GABRR2: variants seen among roughly 807,000 people sequenced by gnomAD.
The protein encoded by GABRR2 is gamma-aminobutyric acid type A receptor subunit rho2, also known as gamma-aminobutyric acid receptor subunit rho-2.
In GABRR2, 36 loss-of-function variants were observed where a neutral mutation model predicts 47.0. The ratio of observed to expected loss-of-function variants is 0.77; its 90% CI spans 0.59 to 1.01. GABRR2 has a LOEUF of 1.01. Among genes scored for constraint, GABRR2 ranks in the 50% least tolerant of loss-of-function variants. The probability of loss-of-function intolerance (pLI) is 0.00; values close to 1 mark genes in which losing one functional copy is unlikely to be tolerated. For synonymous variants in GABRR2, 204 were observed against 227.5 expected (o/e 0.90, Z 0.93); for missense variants, 587 against 594.6 (o/e 0.99, Z 0.13).
intron 1 of GABRR2, among the ~76,000 whole-genome samples, chr6:89,310,747 G>C (rs1767666650): frequency 6.6e-6 from 1 of 151,862 alleles, no homozygotes; most frequent in Admixed American, 6.6e-5. Flanking sequence ...GGGAGGGGGT[G>C]GGGGGTGTGG....
rs1773570995 is a variant in GABRR2, at chr6:89,254,892, T to G, written c.*2778A>C. Among the ~76,000 whole-genome samples the G allele has an allele frequency of 6.6e-6, 1 of 152,162 alleles. No homozygotes were observed. Among genetic ancestry groups the G allele is most frequent in the Admixed American group, 6.5e-5 (1 of 15,270 alleles). ...ATGGCCCTGCATGATAAAACACTGT[T>G]TATGATTCTAAATATGTCTGCTATA... On this transcript the variant is annotated 3_prime_UTR_variant, in exon 9 of 9. Coordinates refer to ENST00000402938, the MANE Select transcript of GABRR2 (RefSeq NM_002043.5).
chr6:89,302,529 G>A (rs1767473777), intron 1 of GABRR2: 1 of 839,688 alleles, frequency 1.2e-6, no homozygotes, highest in Non-Finnish European at 1.9e-6. Flanking sequence ...ACCTGCACAA[G>A]CTGGTGGTGA....
intron 2 of GABRR2, among the ~76,000 whole-genome samples, chr6:89,280,247 T>TATATATATATATATATATATATATAC (rs1271132149): frequency 3.9e-5 from 4 of 101,314 alleles, no homozygotes; most frequent in Non-Finnish European, 6.2e-5. Flanking sequence ...TATATATATA[T>TATATATATATATATATATATATATAC]ATATATACAT....
At chr6:89,302,375 G>T in intron 1 of GABRR2, 1 of 567,542 alleles carries the variant, frequency 1.8e-6, no homozygotes, top group Non-Finnish European at 3.5e-6. Flanking sequence ...GAGACCTACT[G>T]CATCAACAAG....
chr6:89,284,701 T>G (rs931031049), intron 2 of GABRR2, among the ~76,000 whole-genome samples: 1 of 152,248 alleles, frequency 6.6e-6, no homozygotes, highest in Non-Finnish European at 1.5e-5. Flanking sequence ...ATGGCCCTGC[T>G]GACGCCTTGC....
At chr6:89,297,134 T>C (rs1188666978) in intron 2 of GABRR2, among the ~76,000 whole-genome samples, 2 of 152,220 alleles carry the variant, frequency 1.3e-5, no homozygotes, top group Admixed American at 1.3e-4. Context: ...GCACTTTTGC[T>C]TCATGGGCCT....
intron 1 of GABRR2, among the ~76,000 whole-genome samples, chr6:89,314,530 C>A (rs1350986265): frequency 6.6e-6 from 1 of 152,194 alleles, no homozygotes; most frequent in African/African-American, 2.4e-5. Flanking sequence ...AAGCAAATTT[C>A]TGAACACCTC....
chr6:89,264,177 C>G (rs113438383), intron 8 of GABRR2, among the ~76,000 whole-genome samples: 1 of 152,188 alleles, frequency 6.6e-6, no homozygotes, highest in African/African-American at 2.4e-5. Flanking sequence ...GCATAGGTGT[C>G]AAAGTTGAGT....
intron 1 of GABRR2, among the ~76,000 whole-genome samples, chr6:89,311,449 G>A (rs1248395469): frequency 2.0e-5 from 3 of 152,110 alleles, no homozygotes; most frequent in African/African-American, 7.2e-5. Context: ...CTATTTGTAT[G>A]AGCCATATGC....
chr6:89,266,088 G>A (rs960042126), intron 6 of GABRR2, among the ~76,000 whole-genome samples: 4 of 152,098 alleles, frequency 2.6e-5, no homozygotes, highest in Admixed American at 2.0e-4. Context: ...TTTGAGACAG[G>A]GTCTTGCTCT....
chr6:89,293,882 A>G (rs1386653324), intron 2 of GABRR2, among the ~76,000 whole-genome samples: 1 of 152,248 alleles, frequency 6.6e-6, no homozygotes, highest in Non-Finnish European at 1.5e-5. Flanking sequence ...TAACCAGGGC[A>G]TACTACCTAA....
At position 89,254,854 on chromosome 6, in the gene GABRR2, G is replaced by T. The variant is rs1277139570; in HGVS notation, c.*2816C>A. ...TAATAAGGCAATGCTAAATACAATGGTGTCATTGTATCATGGCCCTGCATG... is the reference window on the plus strand; with the variant it reads ...TAATAAGGCAATGCTAAATACAATGTTGTCATTGTATCATGGCCCTGCATG... On this transcript the variant is annotated 3_prime_UTR_variant, in exon 9 of 9. Transcript: ENST00000402938. 6.6e-6 allele frequency among the ~76,000 whole-genome samples: 1 copy of T among 152,108 alleles called. No individual in the cohort carries two copies. Among genetic ancestry groups the T allele is most frequent in the East Asian group, 1.9e-4 (1 of 5,196 alleles).
At chr6:89,267,439 C>T (rs1254957297) in intron 6 of GABRR2, among the ~76,000 whole-genome samples, 1 of 152,074 alleles carries the variant, frequency 6.6e-6, no homozygotes, top group South Asian at 2.1e-4. Flanking sequence ...ATGGTGGCAG[C>T]GCCTGTAGTC....
At chr6:89,266,032 T>C (rs1773887116) in intron 6 of GABRR2, among the ~76,000 whole-genome samples, 1 of 152,208 alleles carries the variant, frequency 6.6e-6, no homozygotes, top group South Asian at 2.1e-4. Flanking sequence ...ACGGCAGAAC[T>C]AAACAGAAGG....
At chr6:89,307,485 T>A (rs1218315357) in intron 1 of GABRR2, among the ~76,000 whole-genome samples, 2 of 152,224 alleles carry the variant, frequency 1.3e-5, no homozygotes, top group South Asian at 2.1e-4. Flanking sequence ...CTGGTTGGGA[T>A]GGAGGTCTCA....
In GABRR2 at chr6:89,311,760, C is replaced by G. The variant is rs1444454809; in HGVS notation, c.113+3293G>C. On this transcript the variant is annotated intron_variant, in intron 1 of 8. Coordinates refer to ENST00000402938, the MANE Select transcript of GABRR2 (RefSeq NM_002043.5). ...ACTGCAGGACGTTAGGCAGACCTCA[C>G]CCCATCTTCACATCATCCCCATGGG... Among the ~76,000 whole-genome samples the G allele has an allele frequency of 2.6e-5, 4 of 152,316 alleles. No individual in the cohort carries two copies. The East Asian group carries it at 7.7e-4, about 29-fold the overall frequency.
In GABRR2 at chr6:89,315,149, C is replaced by A. The variant is rs1276147668; in HGVS notation, c.17G>T (p.Arg6Ile). The change falls in exon 1 of 9, where the codon AGA (arginine) becomes ATA (isoleucine). Residue 6 changes from arginine to isoleucine, a missense_variant. Arg to Ile is a moderately conservative substitution (Grantham distance 97). Coordinates refer to ENST00000402938, the MANE Select transcript of GABRR2 (RefSeq NM_002043.5). MPYFT[R>I]LILFLFCLMV... ...CAAGCAAAACAAGAACAAAATGAGT[C>A]TTGTAAAATAAGGCATTTTGTGGAC... The A allele has an allele frequency of 1.2e-6, 2 of 1,613,872 alleles. No homozygotes were observed. Among genetic ancestry groups the A allele is most frequent in the Non-Finnish European group, 1.7e-6 (2 of 1,179,850 alleles).
At chr6:89,299,898 G>T (rs370477270) in intron 1 of GABRR2, 33 bp from the exon 2 acceptor site, 1 of 1,409,616 alleles carries the variant, frequency 7.1e-7, no homozygotes, top group Non-Finnish European at 1.0e-6. Context: ...ATTTTCCATC[G>T]GCTCTTCAAT....
At chr6:89,294,565 C>T (rs1358820406) in intron 2 of GABRR2, among the ~76,000 whole-genome samples, 2 of 152,022 alleles carry the variant, frequency 1.3e-5, no homozygotes, top group African/African-American at 4.8e-5. Flanking sequence ...GCTCAAATGA[C>T]CTGCTTAGTA....
Sources: gnomAD v4.1 joint callset for allele counts (sites outside exome capture counted in the v4.1 genomes callset) on GRCh38, gnomAD v4.1.1 for gene constraint, MANE v1.5 for transcripts, NCBI Gene and HGNC (gene_info 2026-07-23, HGNC 2026-07-21) for gene names.